Variants in GABRA5 observed in about 807,000 individuals in gnomAD.
GABRA5 encodes the protein gamma-aminobutyric acid type A receptor subunit alpha5, also known as gamma-aminobutyric acid receptor subunit alpha-5.
In GABRA5, 18 loss-of-function variants were observed where a neutral mutation model predicts 47.3. The observed-to-expected ratio is 0.38, with a 90% CI of 0.26 to 0.56. The LOEUF is 0.56. Ranked by LOEUF, GABRA5 falls within the 20% of genes least tolerant of loss-of-function variation. The pLI, the probability that GABRA5 is intolerant of heterozygous loss-of-function variation, is 0.71. For synonymous variants in GABRA5, 237 were observed against 229.3 expected, an observed-to-expected ratio of 1.03 and a Z score of -0.30; for missense variants, 365 against 599.3, an observed-to-expected ratio of 0.61 and a Z score of 4.08.
Position 26,902,223 on chromosome 15 carries a change from ATTGAG to A in GABRA5, c.498-12574_498-12570del, listed in dbSNP as rs552968944. Among the ~76,000 whole-genome samples the A allele has an allele frequency of 1.1e-3, 172 of 152,232 alleles. 1 individual carries two copies. Among genetic ancestry groups the A allele is most frequent in the African/African-American group, 4.1e-3 (169 of 41,552 alleles). On this transcript the variant is annotated intron_variant, in intron 6 of 10. Transcript: ENST00000335625. ...GATTGGCATTGCATAGCATCTGTAG[ATTGAG>A]TTGAGAGGAACTGAAATCTTGACAA...
Position 26,948,465 on chromosome 15 carries a change from G to A in GABRA5, c.*232G>A, listed in dbSNP as rs776862292. On this transcript the variant is annotated 3_prime_UTR_variant, in exon 11 of 11. Transcript: ENST00000335625. ...ACAACTTTCTGGAAAAACAGGATAC[G>A]ATGACTGACACTCAGATGCCCAGTA... 14 of 538,624 alleles carry A rather than the reference G, an allele frequency of 2.6e-5. No homozygotes were observed. Among genetic ancestry groups the A allele is most frequent in the South Asian group, 2.4e-4 (9 of 36,948 alleles). The allele number at this position is 538,624 out of a possible 1,614,324, so 33.4% of individuals were successfully genotyped here. A position where few individuals can be genotyped will look rare whatever the true frequency, so the allele number is the denominator to read the frequency against.
chr15:26,918,225 A>G (rs901214890), intron 7 of GABRA5, among the ~76,000 whole-genome samples: 2 of 152,062 alleles, frequency 1.3e-5, no homozygotes. Context: ...GTTTCAAGGT[A>G]TCTTCTAAGT....
intron 7 of GABRA5, among the ~76,000 whole-genome samples, chr15:26,917,235 T>C (rs1180267933): frequency 6.6e-6 from 1 of 152,090 alleles, no homozygotes; most frequent in Non-Finnish European, 1.5e-5. Context: ...TTTATCATAT[T>C]GAGGTAATTT....
intron 7 of GABRA5, among the ~76,000 whole-genome samples, chr15:26,916,325 G>C (rs1468838689): frequency 6.6e-6 from 1 of 152,162 alleles, no homozygotes; most frequent in Admixed American, 6.5e-5. Context: ...ACTTGTTGAA[G>C]AGATTATCTT....
At chr15:26,885,073 G>T (rs1448414670) in intron 6 of GABRA5, among the ~76,000 whole-genome samples, 1 of 152,066 alleles carries the variant, frequency 6.6e-6, no homozygotes, top group Non-Finnish European at 1.5e-5. Context: ...GAGGCGGGAG[G>T]ATCACGAGAT....
intron 7 of GABRA5, among the ~76,000 whole-genome samples, chr15:26,920,925 T>G (rs895683327): frequency 6.6e-6 from 1 of 152,204 alleles, no homozygotes; most frequent in African/African-American, 2.4e-5. Context: ...TTTTCTGCAT[T>G]AGTTGATATA....
intron 3 of GABRA5, among the ~76,000 whole-genome samples, chr15:26,871,869 A>AT (rs1892481367): frequency 6.6e-6 from 1 of 152,198 alleles, no homozygotes; most frequent in African/African-American, 2.4e-5. Context: ...TAGTGAACGT[A>AT]TTTGGCTTAC....
intron 7 of GABRA5, among the ~76,000 whole-genome samples, chr15:26,919,607 G>T (rs948360439): frequency 6.6e-6 from 1 of 151,818 alleles, no homozygotes; most frequent in Non-Finnish European, 1.5e-5. Flanking sequence ...TTTGCCTTTT[G>T]ACTTTTATAC....
chr15:26,870,961 C>T (rs1195835078), intron 3 of GABRA5, among the ~76,000 whole-genome samples: 1 of 152,082 alleles, frequency 6.6e-6, no homozygotes, highest in East Asian at 1.9e-4. Flanking sequence ...GGAGGCCAAG[C>T]GGGGGGCGGA....
intron 7 of GABRA5, among the ~76,000 whole-genome samples, chr15:26,915,123 GA>G (rs573237042): frequency 2.1e-3 from 319 of 152,288 alleles, no homozygotes; most frequent in Non-Finnish European, 3.2e-3. Flanking sequence ...TGACATCACT[GA>G]ACAATCTGGA....
intron 6 of GABRA5, among the ~76,000 whole-genome samples, chr15:26,908,789 A>G (rs144891326): frequency 1.4e-4 from 21 of 152,282 alleles, no homozygotes; most frequent in African/African-American, 4.3e-4. Context: ...TCAATAACTG[A>G]CCCAGCTAGG....
chr15:26,869,672 C>T (rs533242842), intron 3 of GABRA5, among the ~76,000 whole-genome samples: 2 of 152,382 alleles, frequency 1.3e-5, no homozygotes, highest in South Asian at 4.1e-4. Flanking sequence ...AGGACAGTCA[C>T]TGCTTGTTAG....
chr15:26,925,590 T>C (rs1036449784), intron 7 of GABRA5, among the ~76,000 whole-genome samples: 2 of 152,216 alleles, frequency 1.3e-5, no homozygotes, highest in African/African-American at 4.8e-5. Flanking sequence ...ATATTTATAA[T>C]AGCTACTTTG....
At chr15:26,878,632 C>T (rs997868795) in intron 3 of GABRA5, among the ~76,000 whole-genome samples, 1 of 152,130 alleles carries the variant, frequency 6.6e-6, no homozygotes, top group African/African-American at 2.4e-5. Flanking sequence ...ACTGCAAATC[C>T]CCAGCCATGG....
chr15:26,896,507 G>A (rs1171100199), intron 6 of GABRA5, among the ~76,000 whole-genome samples: 2 of 152,112 alleles, frequency 1.3e-5, no homozygotes, highest in African/African-American at 4.8e-5. Context: ...TTTTCTAGGG[G>A]AAGAACAAAT....
intron 3 of GABRA5, among the ~76,000 whole-genome samples, chr15:26,879,174 G>A (rs993348445): frequency 6.6e-6 from 1 of 152,218 alleles, no homozygotes; most frequent in Non-Finnish European, 1.5e-5. Flanking sequence ...AGACAGCAAA[G>A]ACCTTCCAAA....
At chr15:26,935,139 G>A (rs1894206948) in intron 7 of GABRA5, among the ~76,000 whole-genome samples, 1 of 152,166 alleles carries the variant, frequency 6.6e-6, no homozygotes, top group African/African-American at 2.4e-5. Context: ...TGGACACAAG[G>A]GGTCATTTAT....
intron 7 of GABRA5, among the ~76,000 whole-genome samples, chr15:26,922,275 T>C (rs1016747904): frequency 4.6e-5 from 7 of 152,200 alleles, no homozygotes; most frequent in Admixed American, 3.3e-4. Context: ...GCTGTATTAT[T>C]TGGTGCATAC....
At position 26,869,228 on chromosome 15, in the gene GABRA5, C is replaced by T. The variant is rs765267811; in HGVS notation, c.-21C>T. The stretch of plus-strand genomic sequence containing the variant: ...GTTATTCCTCCATATTCACCTGCTT[C>T]AACTACTATTCTTATTGGGAATGGA... On this transcript the variant is annotated 5_prime_UTR_variant, in exon 3 of 11. Coordinates refer to ENST00000335625, the MANE Select transcript of GABRA5 (RefSeq NM_000810.4). 1 of 1,430,052 alleles carries T rather than the reference C, an allele frequency of 7.0e-7. No homozygotes were observed. The highest frequency in any genetic ancestry group is 9.9e-7 in the Non-Finnish European group (1 of 1,012,018). 88.6% of individuals were successfully genotyped at this position (1,430,052 alleles called of 1,614,324 possible).
Sources: allele counts gnomAD v4.1 joint callset (sites outside exome capture counted in the v4.1 genomes callset), GRCh38; gene constraint gnomAD v4.1.1; transcripts MANE v1.5; gene names NCBI Gene and HGNC (gene_info 2026-07-23, HGNC 2026-07-21).